The following WFDC10B variants were observed in gnomAD, a reference collection of about 807,000 sequenced individuals.
WFDC10B encodes the protein protein WFDC10B.
In WFDC10B, 1 loss-of-function variant was observed where a neutral mutation model predicts 2.7. That is an observed-to-expected ratio of 0.38 (90% CI 0.13 to 1.79). WFDC10B has a LOEUF of 1.79. WFDC10B is among the 40% of genes most tolerant of loss of function. WFDC10B has a pLI of 0.33. For missense variants in WFDC10B, 71 were observed against 87.8 expected (o/e 0.81, Z 0.76); for synonymous variants, 26 against 32.2 (o/e 0.81, Z 0.65).
rs548559234 is a variant in WFDC10B, at chr20:45,699,138, A to C, written c.-65+5359T>G. Among the ~76,000 whole-genome samples, 14 of 152,304 alleles carry C rather than the reference A, an allele frequency of 9.2e-5. 1 individual carries two copies. The highest frequency in any genetic ancestry group is 3.1e-4 in the African/African-American group (13 of 41,558). On this transcript the variant is annotated intron_variant, in intron 2 of 3. Coordinates refer to ENST00000330523, the MANE Select transcript of WFDC10B (RefSeq NM_172006.2). ...AAAAGGAAAATAATAAGTGCTGACA[A>C]GCATGTGGAGAAATTGGAACCCTCG...
intron 3 of WFDC10B, 24 bp from the exon 4 acceptor site, chr20:45,684,984 C>T (rs374998123): frequency 6.2e-7 from 1 of 1,612,848 alleles, no homozygotes; most frequent in African/African-American, 1.3e-5. Flanking sequence ...GGAGCAGGGT[C>T]AATGAAACCA....
intron 2 of WFDC10B, among the ~76,000 whole-genome samples, chr20:45,697,525 T>C (rs977190381): frequency 6.6e-6 from 1 of 151,768 alleles, no homozygotes; most frequent in African/African-American, 2.4e-5. Context: ...CTAATTTTTG[T>C]ATTTTCTGTA....
At chr20:45,688,018 T>G in intron 2 of WFDC10B, among the ~76,000 whole-genome samples, 1 of 78,532 alleles carries the variant, frequency 1.3e-5, no homozygotes, top group South Asian at 5.3e-4. Context: ...ATGCTATCCC[T>G]CCCCCCTCCC....
rs6073863 is a variant in WFDC10B at position 45,703,386 on chromosome 20, G to A, written c.-65+1111C>T. ...TTTTACCCCAATTCTGGTGCCATTT[G>A]CTACTACAGTTATAGTCATGACCTC... On this transcript the variant is annotated intron_variant, in intron 2 of 3. Transcript: ENST00000330523. 1.6e-3 allele frequency among the ~76,000 whole-genome samples: 249 copies of A among 152,270 alleles called. 1 individual carries two copies. The highest frequency in any genetic ancestry group is 2.2e-3 in the Non-Finnish European group (151 of 68,012).
chr20:45,693,648 TCTC>T (rs1983889463), intron 2 of WFDC10B, among the ~76,000 whole-genome samples: 1 of 152,142 alleles, frequency 6.6e-6, no homozygotes, highest in Admixed American at 6.5e-5. Flanking sequence ...TGGGATATAA[TCTC>T]CTGGTGCGCC....
Position 45,684,763 on chromosome 20 carries a change from G to T in WFDC10B, c.*67C>A. The stretch of plus-strand genomic sequence containing the variant: ...GATGATTTGATGTCCTTGTGCTTCG[G>T]ATGTGGGCACAGTCTCGGATGGAAG... On this transcript the variant is annotated 3_prime_UTR_variant, in exon 4 of 4. Coordinates refer to ENST00000330523, the MANE Select transcript of WFDC10B (RefSeq NM_172006.2). The T allele has an allele frequency of 6.3e-7, 1 of 1,580,602 alleles. No individual in the cohort carries two copies.
intron 2 of WFDC10B, among the ~76,000 whole-genome samples, chr20:45,696,914 A>G (rs1243602126): frequency 6.6e-6 from 1 of 152,164 alleles, no homozygotes; most frequent in Non-Finnish European, 1.5e-5. Flanking sequence ...CACAAAATTC[A>G]CCACCCTTCT....
intron 2 of WFDC10B, among the ~76,000 whole-genome samples, chr20:45,690,677 G>A (rs868801394): frequency 8.6e-5 from 13 of 152,024 alleles, no homozygotes; most frequent in Middle Eastern, 3.4e-3. Context: ...CTGTGGGATC[G>A]GTGGTGATAC....
chr20:45,700,441 G>A (rs951952283), intron 2 of WFDC10B, among the ~76,000 whole-genome samples: 1 of 152,064 alleles, frequency 6.6e-6, no homozygotes, highest in African/African-American at 2.4e-5. Context: ...GAACATAGAT[G>A]TAAAATACCT....
intron 2 of WFDC10B, among the ~76,000 whole-genome samples, chr20:45,703,143 C>G (rs902668492): frequency 3.3e-5 from 5 of 152,128 alleles, no homozygotes; most frequent in African/African-American, 1.2e-4. Flanking sequence ...ACCAGATACC[C>G]AGAAGAGGGG....
chr20:45,686,638 G>A (rs1393172449), intron 2 of WFDC10B, among the ~76,000 whole-genome samples: 1 of 151,528 alleles, frequency 6.6e-6, no homozygotes, highest in African/African-American at 2.4e-5. Flanking sequence ...GTGGCTATTT[G>A]CATATAATGG....
Position 45,685,938 on chromosome 20 carries a change from C to T in WFDC10B, c.55G>A (p.Ala19Thr). The T allele has an allele frequency of 1.2e-6, 2 of 1,614,172 alleles. No individual in the cohort carries two copies. Among genetic ancestry groups the T allele is most frequent in the Non-Finnish European group, 1.7e-6 (2 of 1,180,036 alleles). ...VLVLCVLLLQAQGGYRDKMRM... is the reference protein window; with the variant it reads ...VLVLCVLLLQTQGGYRDKMRM... ...ATCTTGTCACGGTATCCTCCCTGGG[C>T]CTGCAGCAGCAGCACACAGAGAACC... Residue 19 changes from alanine to threonine, a missense_variant, in exon 3 of 4, where the codon GCC becomes ACC. Coordinates refer to ENST00000330523, the MANE Select transcript of WFDC10B (RefSeq NM_172006.2).
intron 2 of WFDC10B, among the ~76,000 whole-genome samples, chr20:45,698,162 A>G (rs1340242606): frequency 6.6e-6 from 1 of 152,138 alleles, no homozygotes; most frequent in Non-Finnish European, 1.5e-5. Context: ...TCTGAGTGAA[A>G]AACAGAGAGT....
At chr20:45,686,461 T>C (rs1983622222) in intron 2 of WFDC10B, among the ~76,000 whole-genome samples, 1 of 152,122 alleles carries the variant, frequency 6.6e-6, no homozygotes, top group Non-Finnish European at 1.5e-5. Flanking sequence ...TTTTGTTACC[T>C]ACCGTCTGCC....
intron 2 of WFDC10B, among the ~76,000 whole-genome samples, chr20:45,703,716 G>A (rs2145644892): frequency 6.6e-6 from 1 of 152,276 alleles, no homozygotes; most frequent in South Asian, 2.1e-4. Context: ...ATACTTGGGG[G>A]TAGGGGAGGA....
chr20:45,687,860 T>TTTATTATTATTA (rs149834246), intron 2 of WFDC10B, among the ~76,000 whole-genome samples: 3,932 of 145,294 alleles, frequency 0.027, 160 homozygotes, highest in African/African-American at 0.082. Flanking sequence ...TGTCTTTTCT[T>TTTATTATTATTA]TTATTATTAT....
chr20:45,690,117 G>A (rs1453893557), intron 2 of WFDC10B, among the ~76,000 whole-genome samples: 1 of 152,130 alleles, frequency 6.6e-6, no homozygotes, highest in East Asian at 1.9e-4. Context: ...TTTGTCTTTG[G>A]TTCTGTTTAT....
chr20:45,699,518 C>T (rs1211159475), intron 2 of WFDC10B, among the ~76,000 whole-genome samples: 1 of 152,146 alleles, frequency 6.6e-6, no homozygotes, highest in Non-Finnish European at 1.5e-5. Flanking sequence ...AATAACATTT[C>T]CTACCCAATT....
At chr20:45,686,605 C>A in intron 2 of WFDC10B, among the ~76,000 whole-genome samples, 1 of 151,858 alleles carries the variant, frequency 6.6e-6, no homozygotes, top group South Asian at 2.1e-4. Flanking sequence ...AAGCAGAAAT[C>A]ATATCATGAG....
Sources: allele counts gnomAD v4.1 joint callset (sites outside exome capture counted in the v4.1 genomes callset), GRCh38; gene constraint gnomAD v4.1.1; transcripts MANE v1.5; gene names NCBI Gene and HGNC (gene_info 2026-07-23, HGNC 2026-07-21).